Variants in SYT16 observed in about 807,000 individuals in gnomAD.
SYT16 encodes synaptotagmin-16.
SYT16 carries 42 observed loss-of-function variants against 61.4 expected under a neutral mutation model. That is an observed-to-expected ratio of 0.68 (90% CI 0.53 to 0.89). The LOEUF is 0.89. Among genes scored for constraint, SYT16 ranks in the 40% least tolerant of loss-of-function variants. The probability of loss-of-function intolerance (pLI) is 0.00; values close to 1 mark genes in which losing one functional copy is unlikely to be tolerated. For missense variants in SYT16, 804 were observed against 807.3 expected (o/e 1.00, Z 0.05); for synonymous variants, 314 against 302.3 (o/e 1.04, Z -0.40).
At chr14:62,031,059 A>T (rs1259180524) in intron 3 of SYT16, among the ~76,000 whole-genome samples, 2 of 152,204 alleles carry the variant, frequency 1.3e-5, no homozygotes, top group Non-Finnish European at 2.9e-5. Flanking sequence ...TTTGTAAAGC[A>T]CATAAGCTAT....
intron 1 of SYT16, among the ~76,000 whole-genome samples, chr14:61,887,359 C>G (rs1221977711): frequency 6.6e-6 from 1 of 152,172 alleles, no homozygotes; most frequent in Non-Finnish European, 1.5e-5. Flanking sequence ...TCTTAGGGGT[C>G]CTAGCATTTT....
intron 1 of SYT16, among the ~76,000 whole-genome samples, chr14:61,928,167 A>C (rs2049610925): frequency 6.6e-6 from 1 of 152,056 alleles, no homozygotes; most frequent in Non-Finnish European, 1.5e-5. Flanking sequence ...AGTTCACCTG[A>C]GTGTTATAGA....
intron 1 of SYT16, among the ~76,000 whole-genome samples, chr14:61,969,091 G>T (rs2051436124): frequency 6.6e-6 from 1 of 152,120 alleles, no homozygotes; most frequent in Non-Finnish European, 1.5e-5. Context: ...GTAAGGTTAG[G>T]TGAGTATTAT....
rs1335913551 is a variant in SYT16, at chr14:62,102,879, A to G, written c.*2172A>G. ...CATTTTTAAGGTTTTCGGCTGGTGT[A>G]GTGAAGATATTTGTGTGCTTGATCT... is the stretch of plus-strand genomic sequence containing the variant. On this transcript the variant is annotated 3_prime_UTR_variant, in exon 8 of 8. Coordinates refer to ENST00000683842, the MANE Select transcript of SYT16 (RefSeq NM_001367656.1). 6.6e-6 allele frequency: 1 copy of G among 152,090 alleles called. No homozygotes were observed. Among genetic ancestry groups the G allele is most frequent in the Non-Finnish European group, 1.5e-5 (1 of 68,024 alleles). 9.4% of individuals were successfully genotyped at this position (152,090 alleles called of 1,614,324 possible).
At chr14:62,088,194 A>G (rs1026451268) in intron 7 of SYT16, among the ~76,000 whole-genome samples, 1 of 152,278 alleles carries the variant, frequency 6.6e-6, no homozygotes, top group African/African-American at 2.4e-5. Flanking sequence ...GACAAAAACT[A>G]GACAGTCCTC....
intron 7 of SYT16, among the ~76,000 whole-genome samples, chr14:62,092,324 G>A (rs1052754365): frequency 1.3e-5 from 2 of 151,982 alleles, no homozygotes; most frequent in Non-Finnish European, 2.9e-5. Flanking sequence ...CAGTATGACA[G>A]TTCCTGAAAA....
chr14:62,097,689 C>A (rs2057313508), intron 7 of SYT16, among the ~76,000 whole-genome samples: 1 of 152,146 alleles, frequency 6.6e-6, no homozygotes, highest in Non-Finnish European at 1.5e-5. Context: ...TATTTCTCTG[C>A]GTTATACACA....
intron 1 of SYT16, among the ~76,000 whole-genome samples, chr14:61,856,385 A>C (rs887460276): frequency 4.6e-5 from 7 of 152,226 alleles, no homozygotes; most frequent in Non-Finnish European, 1.0e-4. Flanking sequence ...ATATACACAC[A>C]CTTATCTCCA....
chr14:61,873,280 T>G (rs17099289), intron 1 of SYT16, among the ~76,000 whole-genome samples: 4,126 of 152,294 alleles, frequency 0.027, 123 homozygotes, highest in African/African-American at 0.065. Context: ...CTTTTCCCAT[T>G]ATCTGAAGAG....
intron 1 of SYT16, among the ~76,000 whole-genome samples, chr14:61,842,668 C>T (rs920762302): frequency 5.9e-5 from 9 of 151,792 alleles, no homozygotes; most frequent in South Asian, 2.1e-4. Flanking sequence ...AGCAAACTAT[C>T]GCAAGGACAA....
In SYT16 at chr14:61,848,449, G is replaced by C. The variant is rs552288557; in HGVS notation, c.-325+35639G>C. Among the ~76,000 whole-genome samples, 4 of 152,222 alleles carry C rather than the reference G, an allele frequency of 2.6e-5. No individual in the cohort carries two copies. The South Asian group carries it at 6.2e-4, about 24-fold the overall frequency. On this transcript the variant is annotated intron_variant, in intron 1 of 7. Transcript: ENST00000683842. ...GTCTCTCTCTCTCTCTCTGTGCTGA[G>C]CAGTCTGGAAGTGGAGGACACATGA... is the stretch of plus-strand genomic sequence containing the variant.
At chr14:62,068,468 A>G (rs746381842) in intron 3 of SYT16, among the ~76,000 whole-genome samples, 8 of 152,248 alleles carry the variant, frequency 5.3e-5, no homozygotes, top group Non-Finnish European at 8.8e-5. Context: ...GCGGATATGC[A>G]GGATGAACAA....
intron 3 of SYT16, among the ~76,000 whole-genome samples, chr14:62,051,158 G>C (rs1033508423): frequency 1.1e-4 from 16 of 152,226 alleles, no homozygotes; most frequent in African/African-American, 3.4e-4. Flanking sequence ...ACCTACTCAA[G>C]CCTGGGCAAT....
chr14:61,918,459 C>G (rs217637), intron 1 of SYT16, among the ~76,000 whole-genome samples: 1 of 152,062 alleles, frequency 6.6e-6, no homozygotes, highest in African/African-American at 2.4e-5. Context: ...GATAAAGGAA[C>G]AATAAAGCCA....
chr14:61,815,673 G>A (rs1170969665), intron 1 of SYT16, among the ~76,000 whole-genome samples: 3 of 152,158 alleles, frequency 2.0e-5, no homozygotes, highest in Admixed American at 6.5e-5. Flanking sequence ...AGGGGAACTC[G>A]AGAGCTTCAA....
intron 1 of SYT16, among the ~76,000 whole-genome samples, chr14:61,817,071 TGGG>T (rs1320082498): frequency 2.0e-5 from 3 of 147,136 alleles, no homozygotes; most frequent in African/African-American, 2.6e-5. Context: ...AATTGGAAAA[TGGG>T]GGGAAAACCT....
chr14:61,960,771 T>C (rs2051085635), intron 1 of SYT16, among the ~76,000 whole-genome samples: 1 of 152,184 alleles, frequency 6.6e-6, no homozygotes. Flanking sequence ...CATCCTTGTC[T>C]TGTGCTGGTT....
At chr14:61,883,625 G>C (rs1250175872) in intron 1 of SYT16, among the ~76,000 whole-genome samples, 3 of 152,158 alleles carry the variant, frequency 2.0e-5, no homozygotes, top group Admixed American at 1.3e-4. Context: ...CCTCCAAACT[G>C]TTCCATCCTA....
chr14:61,891,333 C>T (rs2048125187), intron 1 of SYT16, among the ~76,000 whole-genome samples: 1 of 151,396 alleles, frequency 6.6e-6, no homozygotes, highest in Non-Finnish European at 1.5e-5. Context: ...TTTTTTTCCC[C>T]TTGCAAACTT....
Sources: allele counts gnomAD v4.1 joint callset (sites outside exome capture counted in the v4.1 genomes callset), GRCh38; gene constraint gnomAD v4.1.1; transcripts MANE v1.5; gene names NCBI Gene and HGNC (gene_info 2026-07-23, HGNC 2026-07-21).